CIMIP6: variants seen among roughly 807,000 people sequenced by gnomAD.
CIMIP6 encodes the protein ciliary microtubule inner protein 6, also known as uncharacterized protein C2orf73.
At chr2:54,337,042 A>C in the CIMIP6 span, among the ~76,000 whole-genome samples, 6 of 152,112 alleles carry the variant, frequency 3.9e-5, no homozygotes, top group African/African-American at 1.2e-4. Context: ...AAAGGTAATA[A>C]TTTCTCATGT....
chr2:54,360,617 C>A, the CIMIP6 span: 1 of 1,424,240 alleles, frequency 7.0e-7, no homozygotes, highest in South Asian at 1.6e-5. Flanking sequence ...ATTTCACAAT[C>A]ATCATCTTGG....
At chr2:54,332,238 T>C in the CIMIP6 span, among the ~76,000 whole-genome samples, 1 of 152,188 alleles carries the variant, frequency 6.6e-6, no homozygotes, top group Non-Finnish European at 1.5e-5. Flanking sequence ...TACCTGAAAA[T>C]GCAAACCTAC....
chr2:54,342,060 A>C, the CIMIP6 span, among the ~76,000 whole-genome samples: 1 of 152,150 alleles, frequency 6.6e-6, no homozygotes, highest in Non-Finnish European at 1.5e-5. Flanking sequence ...CCTAGTTCCT[A>C]AATTTCTGTA....
the CIMIP6 span, among the ~76,000 whole-genome samples, chr2:54,342,857 C>G: frequency 6.6e-6 from 1 of 152,178 alleles, no homozygotes; most frequent in South Asian, 2.1e-4. Flanking sequence ...TCCTAGGTGT[C>G]ATAGGGTTTC....
chr2:54,365,833 T>C, the CIMIP6 span, among the ~76,000 whole-genome samples: 6 of 152,338 alleles, frequency 3.9e-5, no homozygotes, highest in East Asian at 1.2e-3. Context: ...TTAAAAAACT[T>C]AATTCAGTAG....
the CIMIP6 span, among the ~76,000 whole-genome samples, chr2:54,356,528 TCA>T: frequency 1.3e-5 from 2 of 152,154 alleles, no homozygotes; most frequent in African/African-American, 4.8e-5. Context: ...TTTGGGTTTC[TCA>T]CAGTTTTTTT....
chr2:54,345,421 G>A, the CIMIP6 span, among the ~76,000 whole-genome samples: 5 of 152,158 alleles, frequency 3.3e-5, 1 homozygote, highest in African/African-American at 9.6e-5. Context: ...TAAGAATGAT[G>A]CTTTCCTTCT....
the CIMIP6 span, among the ~76,000 whole-genome samples, chr2:54,336,792 A>T: frequency 2.0e-5 from 3 of 152,212 alleles, no homozygotes; most frequent in African/African-American, 7.2e-5. Flanking sequence ...CATTTGAGTG[A>T]AGACCAGAGG....
the CIMIP6 span, among the ~76,000 whole-genome samples, chr2:54,356,445 T>TA: frequency 6.6e-6 from 1 of 152,142 alleles, no homozygotes; most frequent in Non-Finnish European, 1.5e-5. Flanking sequence ...AACTTATTCT[T>TA]CTTGGCTACA....
chr2:54,359,103 C>T, the CIMIP6 span: 1 of 1,206,626 alleles, frequency 8.3e-7, no homozygotes. Flanking sequence ...TTATTTAATA[C>T]TTTAAGACAG....
chr2:54,378,031 C>T, the CIMIP6 span, among the ~76,000 whole-genome samples: 1 of 152,140 alleles, frequency 6.6e-6, no homozygotes, highest in African/African-American at 2.4e-5. Context: ...TAGATTCCCC[C>T]GTTAATTGGT....
the CIMIP6 span, among the ~76,000 whole-genome samples, chr2:54,338,010 G>A: frequency 3.3e-5 from 5 of 152,116 alleles, no homozygotes; most frequent in Admixed American, 6.5e-5. Context: ...AATGGTGTAC[G>A]CCTGTGGTCC....
chr2:54,371,510 C>A, the CIMIP6 span, among the ~76,000 whole-genome samples: 1 of 152,224 alleles, frequency 6.6e-6, no homozygotes, highest in Non-Finnish European at 1.5e-5. Context: ...TTCTGAGTGG[C>A]CCTGGGGAAA....
the CIMIP6 span, among the ~76,000 whole-genome samples, chr2:54,333,157 T>G: frequency 6.6e-6 from 1 of 152,218 alleles, no homozygotes; most frequent in African/African-American, 2.4e-5. Context: ...AATGTACACC[T>G]TCATGGAACT....
At chr2:54,379,314 C>G in the CIMIP6 span, among the ~76,000 whole-genome samples, 1 of 152,202 alleles carries the variant, frequency 6.6e-6, no homozygotes. Context: ...GTCTGGGAAG[C>G]ATTTCACATT....
At chr2:54,343,682 A>T in the CIMIP6 span, 1 of 1,490,270 alleles carries the variant, frequency 6.7e-7, no homozygotes, top group Middle Eastern at 1.8e-4. Flanking sequence ...AATGCCCTAC[A>T]GTATCCAATA....
chr2:54,348,621 T>C, the CIMIP6 span, among the ~76,000 whole-genome samples: 1 of 152,238 alleles, frequency 6.6e-6, no homozygotes, highest in Non-Finnish European at 1.5e-5. Flanking sequence ...GGTATTTGGA[T>C]ATTAGATGAA....
At chr2:54,355,861 G>T in the CIMIP6 span, among the ~76,000 whole-genome samples, 1 of 151,906 alleles carries the variant, frequency 6.6e-6, no homozygotes, top group Non-Finnish European at 1.5e-5. Flanking sequence ...TGGTATATTG[G>T]TTCTGATAAT....
At chr2:54,359,104 T>C in the CIMIP6 span, 1 of 1,200,354 alleles carries the variant, frequency 8.3e-7, no homozygotes. Flanking sequence ...TATTTAATAC[T>C]TTAAGACAGA....
Sources: gnomAD v4.1 joint callset for allele counts (sites outside exome capture counted in the v4.1 genomes callset) on GRCh38, gnomAD v4.1.1 for gene constraint, MANE v1.5 for transcripts, NCBI Gene and HGNC (gene_info 2026-07-23, HGNC 2026-07-21) for gene names.